Variants in CCDC159 observed in about 807,000 individuals in gnomAD.
CCDC159 encodes the protein coiled-coil domain containing 159.
CCDC159 carries 40 observed loss-of-function variants against 50.9 expected under a neutral mutation model. The observed-to-expected ratio is 0.79, with a 90% CI of 0.61 to 1.02. The LOEUF (loss-of-function observed/expected upper bound fraction) is 1.02. Ranked by LOEUF, CCDC159 falls within the 50% of genes least tolerant of loss-of-function variation. The pLI is 0.00. For synonymous variants in CCDC159, 146 were observed against 138.9 expected, an observed-to-expected ratio of 1.05 and a Z score of -0.36; for missense variants, 356 against 371.5, an observed-to-expected ratio of 0.96 and a Z score of 0.34.
intron 5 of CCDC159, chr19:11,351,662 T>TG: frequency 3.8e-6 from 1 of 261,742 alleles, no homozygotes; most frequent in Non-Finnish European, 6.5e-6. Flanking sequence ...GGACAGGAGG[T>TG]GGGGAGGTGG....
intron 1 of CCDC159, 46 bp from the exon 2 acceptor site, chr19:11,349,608 C>G: frequency 6.2e-7 from 1 of 1,608,260 alleles, no homozygotes; most frequent in East Asian, 2.2e-5. Context: ...AGCAAGGAGG[C>G]AGCTCAGGGA....
Position 11,351,962 on chromosome 19 carries a change from A to G in CCDC159, c.479A>G (p.Tyr160Cys), listed in dbSNP as rs1967609820. ...ELVREEVTFIYQKLQAQEDEI... is the reference protein window; with the variant it reads ...ELVREEVTFICQKLQAQEDEI... ...GTGCGGGAGGAGGTGACCTTCATCT[A>G]TCAGAAGCTCCGTGAGTTCCTGGAG... The change falls in exon 6 of 11, where the codon TAT (tyrosine) becomes TGT (cysteine). Residue 160 changes from tyrosine to cysteine, a missense_variant. Tyr to Cys is a radical substitution (Grantham distance 194, BLOSUM62 -2). Transcript: ENST00000458408. 6.2e-7 allele frequency: 1 copy of G among 1,608,104 alleles called. No homozygotes were observed. The highest frequency in any genetic ancestry group is 1.3e-5 in the African/African-American group (1 of 74,708).
At position 11,352,076 on chromosome 19, in the gene CCDC159, C is replaced by A; in HGVS notation, c.510C>A (p.Ile170=). Residue 170 remains isoleucine, a synonymous_variant, in exon 7 of 11, where the codon ATC becomes ATA. Coordinates refer to ENST00000458408, the MANE Select transcript of CCDC159 (RefSeq NM_001080503.3). The part of the protein sequence containing the change: ...YQKLQAQEDE[I]SENLVNIQKM... ...CCACAGAAGCGCAGGAGGATGAGAT[C>A]TCAGAGAACTTGGTGAACATTCAGA... 2 of 1,613,752 alleles carry A rather than the reference C, an allele frequency of 1.2e-6. No homozygotes were observed. Among genetic ancestry groups the A allele is most frequent in the Non-Finnish European group, 1.7e-6 (2 of 1,179,798 alleles).
chr19:11,349,607 G>A, intron 1 of CCDC159, 47 bp from the exon 2 acceptor site: 2 of 1,607,826 alleles, frequency 1.2e-6, no homozygotes, highest in Admixed American at 1.7e-5. Flanking sequence ...GAGCAAGGAG[G>A]CAGCTCAGGG....
intron 5 of CCDC159, 95 bp downstream of exon 5, chr19:11,351,098 C>T (rs1347952396): frequency 1.8e-6 from 2 of 1,132,000 alleles, no homozygotes; most frequent in African/African-American, 1.6e-5. Context: ...TGGCAGATGC[C>T]TGGGGGAGGG....
chr19:11,347,561 C>T (rs1230376093), intron 1 of CCDC159, among the ~76,000 whole-genome samples: 1 of 152,190 alleles, frequency 6.6e-6, no homozygotes, highest in Non-Finnish European at 1.5e-5. Flanking sequence ...AACTCCTGAC[C>T]TCAGGTGATC....
chr19:11,348,776 G>A (rs371093272), intron 1 of CCDC159: 39 of 523,116 alleles, frequency 7.5e-5, no homozygotes, highest in South Asian at 1.7e-4. Context: ...GGCCTACCCC[G>A]GGACCCTGAC....
chr19:11,352,456 A>C, intron 7 of CCDC159: 1 of 304,190 alleles, frequency 3.3e-6, no homozygotes, highest in Non-Finnish European at 6.3e-6. Flanking sequence ...AAATACAAAA[A>C]TTAGCTGGGT....
chr19:11,346,749 C>A, intron 1 of CCDC159, 122 bp downstream of exon 1: 2 of 1,153,292 alleles, frequency 1.7e-6, no homozygotes, highest in South Asian at 1.4e-5. Flanking sequence ...ACGGAAGCAG[C>A]AACCGGGATG....
chr19:11,350,966 C>A lies in CCDC159; in HGVS notation c.385C>A (p.Arg129Ser). The A allele has an allele frequency of 6.4e-7, 1 of 1,553,458 alleles. No homozygotes were observed. Among genetic ancestry groups the A allele is most frequent in the Non-Finnish European group, 8.7e-7 (1 of 1,148,602 alleles). ...SEEMQRARTT[R>S]CLQLLAQEIR... ...GGAGATGCAGCGGGCCCGCACCACTCGCTGCCTGCAGCTGCTGGCCCAGGA... is the reference window on the plus strand; with the variant it reads ...GGAGATGCAGCGGGCCCGCACCACTAGCTGCCTGCAGCTGCTGGCCCAGGA... The change falls in exon 5 of 11, where the codon CGC becomes AGC. Residue 129 changes from arginine to serine, a missense_variant. Arg to Ser is a moderately radical substitution (Grantham distance 110). Transcript: ENST00000458408.
intron 7 of CCDC159, 91 bp downstream of exon 7, chr19:11,352,224 T>C: frequency 2.3e-6 from 3 of 1,301,078 alleles, no homozygotes; most frequent in Non-Finnish European, 3.3e-6. Context: ...GGAGCCTGGG[T>C]TCAAATCTCA....
chr19:11,352,561 G>A (rs191669101), intron 7 of CCDC159: 189 of 163,226 alleles, frequency 1.2e-3, no homozygotes, highest in African/African-American at 4.3e-3. Flanking sequence ...AGCCGAAATC[G>A]TGCCATTGCA....
chr19:11,351,413 GGCGCC>G (rs1360130987), intron 5 of CCDC159: 7 of 183,750 alleles, frequency 3.8e-5, no homozygotes, highest in Non-Finnish European at 6.8e-5. Flanking sequence ...CTCCAGCCTG[GGCGCC>G]TGGGCGCCTG....
chr19:11,348,743 CTCA>C (rs1430511551), intron 1 of CCDC159: 1 of 500,750 alleles, frequency 2.0e-6, no homozygotes, highest in Non-Finnish European at 4.0e-6. Context: ...TGCTTCCCTA[CTCA>C]CAGCGACCCT....
chr19:11,351,139 C>A, intron 5 of CCDC159, 136 bp downstream of exon 5: 1 of 931,674 alleles, frequency 1.1e-6, no homozygotes, highest in Non-Finnish European at 1.6e-6. Flanking sequence ...GCCTGAGGGA[C>A]AAGAAGAGGG....
Position 11,354,624 on chromosome 19 carries a change from G to A in CCDC159, c.817G>A (p.Asp273Asn), listed in dbSNP as rs1324967620. The A allele has an allele frequency of 6.2e-7, 1 of 1,603,386 alleles. No homozygotes were observed. Among genetic ancestry groups the A allele is most frequent in the Non-Finnish European group, 8.5e-7 (1 of 1,175,022 alleles). Reference sequence around the variant, plus strand: ...CCTGAGCCCTCCACTCCCCTCCTGGGACTCTGACTCCGACTGTGACCAGGA... The same window carrying A: ...CCTGAGCCCTCCACTCCCCTCCTGGAACTCTGACTCCGACTGTGACCAGGA... ...QCLSPPLPSW[D>N]SDSDCDQDLS... The change falls in exon 10 of 11, where the codon GAC (aspartate) becomes AAC (asparagine). Residue 273 changes from aspartate to asparagine, a missense_variant. Physicochemically the swap from Asp to Asn is conservative, Grantham distance 23. Transcript: ENST00000458408.
chr19:11,349,600 C>G, intron 1 of CCDC159, 54 bp from the exon 2 acceptor site: 1 of 1,603,946 alleles, frequency 6.2e-7, no homozygotes, highest in Non-Finnish European at 8.5e-7. Flanking sequence ...TTGAGGTGAG[C>G]AAGGAGGCAG....
intron 10 of CCDC159, 53 bp from the exon 11 acceptor site, chr19:11,354,820 C>T: frequency 6.2e-7 from 1 of 1,612,470 alleles, no homozygotes; most frequent in Non-Finnish European, 8.5e-7. Flanking sequence ...TGACCTGCAG[C>T]CCCGGAGTCC....
chr19:11,352,303 C>A, intron 7 of CCDC159, 170 bp downstream of exon 7: 1 of 678,456 alleles, frequency 1.5e-6, no homozygotes. Context: ...GTTTCCTCAT[C>A]TGTATAATGG....
Sources: gnomAD v4.1 joint callset for allele counts (sites outside exome capture counted in the v4.1 genomes callset) on GRCh38, gnomAD v4.1.1 for gene constraint, MANE v1.5 for transcripts, NCBI Gene and HGNC (gene_info 2026-07-23, HGNC 2026-07-21) for gene names.